The following TMEM94 variants were observed in gnomAD, a reference collection of about 807,000 sequenced individuals.
TMEM94 encodes transmembrane protein 94.
In TMEM94, 81 loss-of-function variants were observed where a neutral mutation model predicts 158.6. That is an observed-to-expected ratio of 0.51 (90% confidence interval 0.43 to 0.61). TMEM94 has a LOEUF of 0.61. Among genes scored for constraint, TMEM94 ranks in the 20% least tolerant of loss-of-function variants. The probability of loss-of-function intolerance (pLI) is 0.00; values close to 1 mark genes in which losing one functional copy is unlikely to be tolerated. For missense variants in TMEM94, 1,435 were observed against 1,762.0 expected (o/e 0.81, Z 3.32); for synonymous variants, 751 against 730.7 (o/e 1.03, Z -0.45).
At chr17:75,476,253 C>T (rs1177743304) in intron 2 of TMEM94, among the ~76,000 whole-genome samples, 1 of 152,162 alleles carries the variant, frequency 6.6e-6, no homozygotes, top group Non-Finnish European at 1.5e-5. Flanking sequence ...GCAGTTTCTC[C>T]TCCATCTATC....
intron 1 of TMEM94, among the ~76,000 whole-genome samples, chr17:75,465,679 A>ATATATATATATATTTTTTTT (rs1247855961): frequency 8.0e-6 from 1 of 124,824 alleles, no homozygotes; most frequent in African/African-American, 3.5e-5. Context: ...ATATATATAT[A>ATATATATATATATTTTTTTT]TTTTTTTTTA....
intron 10 of TMEM94, among the ~76,000 whole-genome samples, 163 bp downstream of exon 10, chr17:75,490,513 C>T (rs2052070653): frequency 1.3e-5 from 2 of 152,246 alleles, no homozygotes; most frequent in Admixed American, 1.3e-4. Flanking sequence ...AGAAGGGCCT[C>T]CAGGCCAGGC....
In TMEM94 at chr17:75,489,498, G is replaced by A; in HGVS notation, c.868-78G>A. ...CCAGAGTGAGCCAGCCTGTGGAGTAGCAAAGGAAGGGGAACGGCAGTGCCT... is the reference window on the plus strand; with the variant it reads ...CCAGAGTGAGCCAGCCTGTGGAGTAACAAAGGAAGGGGAACGGCAGTGCCT... On this transcript the variant is annotated intron_variant, in intron 8 of 31. Transcript: ENST00000314256. This position sits in a 1 kb window ranked among gnomAD's most constrained non-coding sequence, Gnocchi z 5.0. 6.7e-7 allele frequency: 1 copy of A among 1,498,400 alleles called. No individual in the cohort carries two copies. Among genetic ancestry groups the A allele is most frequent in the Non-Finnish European group, 9.3e-7 (1 of 1,075,354 alleles). The allele number at this position is 1,498,400 out of a possible 1,614,324, so 92.8% of individuals were successfully genotyped here. A position where few individuals can be genotyped will look rare whatever the true frequency, so the allele number is the denominator to read the frequency against.
intron 1 of TMEM94, among the ~76,000 whole-genome samples, chr17:75,463,174 G>A (rs1257649203): frequency 0.02 from 95 of 4,816 alleles, 10 homozygotes; most frequent in Middle Eastern, 0.17. Flanking sequence ...GTGTGTGTGT[G>A]TGTGTATATA....
chr17:75,486,677 G>T (rs1342823754), intron 5 of TMEM94, among the ~76,000 whole-genome samples: 1 of 152,214 alleles, frequency 6.6e-6, no homozygotes, highest in Non-Finnish European at 1.5e-5. Flanking sequence ...GGGCTTGCAG[G>T]CTGGCTCACG....
In TMEM94 at chr17:75,497,198, G is replaced by A; in HGVS notation, c.3407G>A (p.Ser1136Asn). 1.2e-6 allele frequency: 2 copies of A among 1,612,822 alleles called. No individual in the cohort carries two copies. Among genetic ancestry groups the A allele is most frequent in the Non-Finnish European group, 1.7e-6 (2 of 1,179,030 alleles). The change falls in exon 26 of 32, where the codon AGC becomes AAC. Residue 1136 changes from serine (S) to asparagine (N), a missense_variant and splice_region_variant. Ser to Asn is a conservative substitution (Grantham distance 46). This residue lies in a region of TMEM94 where 335 missense variants were observed against 409.1 expected (regional missense o/e 0.82). Transcript: ENST00000314256. ...TCCTGCTTTTGCTACCCTCTGCTCA[G>A]GTGAGATGCCATGTATCTTCCCCAC... ...WLSCFCYPLL[S>N]ISLLGKPPHS...
chr17:75,463,093 C>CAA (rs2050154430), intron 1 of TMEM94, among the ~76,000 whole-genome samples: 2 of 8,630 alleles, frequency 2.3e-4, no homozygotes, highest in Non-Finnish European at 4.0e-4. Flanking sequence ...CACACACACA[C>CAA]ATATATATGT....
chr17:75,490,153 G>T (rs999430846), intron 9 of TMEM94, 81 bp from the exon 10 acceptor site: 1 of 1,549,904 alleles, frequency 6.5e-7, no homozygotes, highest in Non-Finnish European at 8.7e-7. Context: ...GGGAATGGCC[G>T]TGGGGCCAGG....
rs1379619282 is a variant in TMEM94, at chr17:75,496,322, G to A, written c.3094G>A (p.Glu1032Lys). Residue 1032 changes from glutamate to lysine, a missense_variant, in exon 24 of 32, where the codon GAG becomes AAG. Transcript: ENST00000314256. Reference sequence around the variant, plus strand: ...CCTGTACCCATCCCGTTGCTCCTGGGAGACCTTTGGCTACGCCACCAGCAT... The same window carrying A: ...CCTGTACCCATCCCGTTGCTCCTGGAAGACCTTTGGCTACGCCACCAGCAT... ...DPLYPSRCSW[E>K]TFGYATSISM... 3.1e-6 allele frequency: 5 copies of A among 1,614,170 alleles called. No homozygotes were observed. Among genetic ancestry groups the A allele is most frequent in the Non-Finnish European group, 4.2e-6 (5 of 1,180,038 alleles).
At chr17:75,486,525 T>G in intron 5 of TMEM94, 99 bp downstream of exon 5, 1 of 1,431,108 alleles carries the variant, frequency 7.0e-7, no homozygotes, top group Non-Finnish European at 9.7e-7. Context: ...GGGTTGCCTG[T>G]GGCCAGCATT....
chr17:75,457,289 T>C (rs1219562250), intron 1 of TMEM94: 1 of 152,338 alleles, frequency 6.6e-6, no homozygotes, highest in African/African-American at 2.4e-5. Context: ...TTTCCGCCTT[T>C]CCAGAAGCGT....
At position 75,498,071 on chromosome 17, in the gene TMEM94, C is replaced by G. The variant is rs765920405; in HGVS notation, c.3490-104C>G. ...GCTGGGGCTTGAGCTCCCTATCCCC[C>G]CAGGCCTGACCATTTACTAAGAGCC... On this transcript the variant is annotated intron_variant, in intron 27 of 31. Transcript: ENST00000314256. The surrounding 1 kb of genome is among the most constrained non-coding windows in gnomAD (Gnocchi z 6.7). 3 of 1,483,582 alleles carry G rather than the reference C, an allele frequency of 2.0e-6. No homozygotes were observed. The highest frequency in any genetic ancestry group is 4.6e-5 in the East Asian group (2 of 43,578). 91.9% of individuals were successfully genotyped at this position (1,483,582 alleles called of 1,614,324 possible).
chr17:75,486,591 G>A (rs1247667840), intron 5 of TMEM94, among the ~76,000 whole-genome samples, 165 bp downstream of exon 5: 1 of 152,198 alleles, frequency 6.6e-6, no homozygotes, highest in Non-Finnish European at 1.5e-5. Flanking sequence ...TTTTGAGCAG[G>A]GCAGTGAGAG....
At chr17:75,459,213 C>T (rs1482584296) in intron 1 of TMEM94, among the ~76,000 whole-genome samples, 3 of 152,176 alleles carry the variant, frequency 2.0e-5, no homozygotes, top group Non-Finnish European at 4.4e-5. Flanking sequence ...TTCTCTTTGT[C>T]AAAACTGCAA....
At position 75,499,400 on chromosome 17, in the gene TMEM94, A is replaced by C; in HGVS notation, c.*66A>C. On this transcript the variant is annotated 3_prime_UTR_variant, in exon 32 of 32. Transcript: ENST00000314256. ...GCTAAAGCCAGACCCATTTCTGAAC[A>C]GGGGAGTTTGTATCATGAATGTTTC... 6.8e-7 allele frequency: 1 copy of C among 1,460,162 alleles called. No homozygotes were observed. The highest frequency in any genetic ancestry group is 9.6e-7 in the Non-Finnish European group (1 of 1,043,978). The allele number at this position is 1,460,162 out of a possible 1,614,324, so 90.5% of individuals were successfully genotyped here. A position where few individuals can be genotyped will look rare whatever the true frequency, so the allele number is the denominator to read the frequency against.
At chr17:75,461,170 A>T (rs2050054157) in intron 1 of TMEM94, among the ~76,000 whole-genome samples, 1 of 143,274 alleles carries the variant, frequency 7.0e-6, no homozygotes, top group South Asian at 2.1e-4. Context: ...TGTGGTCTCA[A>T]CTTACTGCAA....
rs544352830 is a variant in TMEM94, at chr17:75,493,650, C to G, written c.2190-49C>G. The G allele has an allele frequency of 9.9e-6, 16 of 1,613,094 alleles. 1 individual carries two copies. In the South Asian group the frequency reaches 1.8e-4, roughly 18 times the overall value. ...GCAGTCGCGCTGCCGGGGCACCTGC[C>G]CTTCACAGGCAGGAACACTCACCTC... On this transcript the variant is annotated intron_variant, in intron 17 of 31. Transcript: ENST00000314256.
intron 5 of TMEM94, 37 bp downstream of exon 5, chr17:75,486,463 G>A (rs773903123): frequency 9.9e-6 from 16 of 1,613,538 alleles, no homozygotes; most frequent in Admixed American, 3.3e-5. Context: ...GGGAAAAGAT[G>A]ACCGGACATA....
rs372428370 is a variant in TMEM94, at chr17:75,495,069, C to T, written c.2728+35C>T. On this transcript the variant is annotated intron_variant, in intron 20 of 31. Coordinates refer to ENST00000314256, the MANE Select transcript of TMEM94 (RefSeq NM_014738.6). The surrounding 1 kb of genome is among the most constrained non-coding windows in gnomAD (Gnocchi z 5.6). ...AAGGCGTGGGGTGGGGACGGGGTGG[C>T]GGTGGGAGGATTCCCCTCCTCAGAG... The T allele has an allele frequency of 3.9e-5, 24 of 616,932 alleles. No individual in the cohort carries two copies. The highest frequency in any genetic ancestry group is 1.0e-4 in the East Asian group (2 of 19,676). 38.2% of individuals were successfully genotyped at this position (616,932 alleles called of 1,614,324 possible). A position where few individuals can be genotyped will look rare whatever the true frequency, so the allele number is the denominator to read the frequency against.
Sources: allele counts gnomAD v4.1 joint callset (sites outside exome capture counted in the v4.1 genomes callset), GRCh38; gene constraint gnomAD v4.1.1; regional missense constraint gnomAD v4.1.1; non-coding constraint Gnocchi (gnomAD v3.1); transcripts MANE v1.5; gene names NCBI Gene and HGNC (gene_info 2026-07-23, HGNC 2026-07-21).